The following RABGAP1L variants were observed in gnomAD, a reference collection of about 807,000 sequenced individuals.
RABGAP1L encodes RAB GTPase activating protein 1 like.
RABGAP1L carries 63 observed loss-of-function variants against 137.7 expected under a neutral mutation model. The ratio of observed to expected loss-of-function variants is 0.46; its 90% CI spans 0.37 to 0.56. RABGAP1L has a LOEUF of 0.56. RABGAP1L is among the 20% of genes least tolerant of loss of function. RABGAP1L has a pLI of 0.00. For missense variants in RABGAP1L, 1,095 were observed against 1,244.0 expected, an observed-to-expected ratio of 0.88 and a Z score of 1.80; for synonymous variants, 431 against 433.7, an observed-to-expected ratio of 0.99 and a Z score of 0.08.
At chr1:174,732,954 G>GACACTT (rs1682617082) in intron 17 of RABGAP1L, among the ~76,000 whole-genome samples, 2 of 151,868 alleles carry the variant, frequency 1.3e-5, no homozygotes, top group Admixed American at 6.6e-5. Flanking sequence ...CTGTGTGTCA[G>GACACTT]ACACTTTTCT....
At chr1:174,447,977 C>T in intron 13 of RABGAP1L, 3 of 577,064 alleles carry the variant, frequency 5.2e-6, no homozygotes, top group Admixed American at 3.0e-5. Context: ...CTCTGGGACT[C>T]TCAGCTGTGA....
intron 19 of RABGAP1L, chr1:174,897,079 A>G (rs909405019): frequency 6.6e-6 from 1 of 152,148 alleles, no homozygotes; most frequent in Non-Finnish European, 1.5e-5. Context: ...TGAGCATGGA[A>G]TGTTCTTCCA....
chr1:174,958,171 A>G (rs772223592), intron 20 of RABGAP1L: 351 of 1,433,574 alleles, frequency 2.4e-4, no homozygotes, highest in Non-Finnish European at 3.1e-4. Context: ...AAAAATCACA[A>G]AGGTATATTG....
At chr1:174,737,430 A>G (rs765920869) in intron 17 of RABGAP1L, among the ~76,000 whole-genome samples, 9 of 152,124 alleles carry the variant, frequency 5.9e-5, no homozygotes, top group African/African-American at 1.9e-4. Flanking sequence ...TTTTCATCTG[A>G]GACATCCTCA....
At chr1:174,408,742 T>C (rs184556633) in intron 13 of RABGAP1L, among the ~76,000 whole-genome samples, 1 of 152,116 alleles carries the variant, frequency 6.6e-6, no homozygotes, top group Non-Finnish European at 1.5e-5. Context: ...TTTTTTTGAC[T>C]TTTTAGTAAT....
At chr1:174,662,691 G>T (rs1214573021) in intron 14 of RABGAP1L, among the ~76,000 whole-genome samples, 1 of 152,180 alleles carries the variant, frequency 6.6e-6, no homozygotes, top group Non-Finnish European at 1.5e-5. Flanking sequence ...ACTGTGCCCG[G>T]CCAAGAAGGC....
intron 19 of RABGAP1L, among the ~76,000 whole-genome samples, chr1:174,903,066 AT>A (rs1010301751): frequency 2.9e-4 from 44 of 152,198 alleles, no homozygotes; most frequent in African/African-American, 9.2e-4. Context: ...AGCAGCTGTA[AT>A]TTTTTTTCCA....
intron 7 of RABGAP1L, among the ~76,000 whole-genome samples, chr1:174,256,801 A>G (rs1382494944): frequency 6.6e-6 from 1 of 152,052 alleles, no homozygotes; most frequent in African/African-American, 2.4e-5. Context: ...ACAAAACAAA[A>G]CAACCAACCA....
At chr1:174,957,965 G>A (rs954744874) in intron 20 of RABGAP1L, 8 of 1,570,238 alleles carry the variant, frequency 5.1e-6, no homozygotes, top group Non-Finnish European at 8.6e-7. Context: ...AGAAAGAGAG[G>A]GGAAAAAGAA....
At chr1:174,465,783 A>G (rs1223288498) in intron 13 of RABGAP1L, among the ~76,000 whole-genome samples, 1 of 152,206 alleles carries the variant, frequency 6.6e-6, no homozygotes, top group Non-Finnish European at 1.5e-5. Context: ...CTTCCACCAC[A>G]ACAACATGCA....
chr1:174,375,155 G>A (rs921970669), intron 12 of RABGAP1L, among the ~76,000 whole-genome samples: 12 of 151,760 alleles, frequency 7.9e-5, no homozygotes, highest in African/African-American at 2.9e-4. Context: ...TTTCTACATG[G>A]CAGTTAATAT....
At chr1:174,321,087 G>A (rs2148826454) in intron 11 of RABGAP1L, among the ~76,000 whole-genome samples, 2 of 152,250 alleles carry the variant, frequency 1.3e-5, no homozygotes, top group Middle Eastern at 3.4e-3. Flanking sequence ...CTCTAGGAAT[G>A]TCTGAATTAT....
intron 18 of RABGAP1L, among the ~76,000 whole-genome samples, chr1:174,806,593 G>A (rs1332319529): frequency 6.6e-6 from 1 of 152,202 alleles, no homozygotes; most frequent in Non-Finnish European, 1.5e-5. Flanking sequence ...GGATGACAGA[G>A]CAAGACCCTG....
At chr1:174,812,006 G>T in intron 19 of RABGAP1L, 46 bp downstream of exon 19, 1 of 1,494,308 alleles carries the variant, frequency 6.7e-7, no homozygotes, top group South Asian at 1.4e-5. Context: ...TATGAGTGCA[G>T]AATAATATGA....
Position 174,241,557 on chromosome 1 carries a change from A to C in RABGAP1L, c.617A>C (p.His206Pro). The change falls in exon 5 of 26, where the codon CAT (histidine) becomes CCT (proline). Residue 206 changes from histidine (H) to proline (P), a missense_variant. By Grantham distance (77) the His-to-Pro change is moderately conservative. Coordinates refer to ENST00000681986, the MANE Select transcript of RABGAP1L (RefSeq NM_001366446.1). Reference sequence around the variant, plus strand: ...AAGGTGTTATTCTGTGCACGTGGACATGACGGAACAACAGAGAGCAATTGC... The same window carrying C: ...AAGGTGTTATTCTGTGCACGTGGACCTGACGGAACAACAGAGAGCAATTGC... ...IYKVLFCARG[H>P]DGTTESNCFA... The C allele has an allele frequency of 6.2e-7, 1 of 1,613,330 alleles. No homozygotes were observed. The highest frequency in any genetic ancestry group is 1.1e-5 in the South Asian group (1 of 91,066).
intron 7 of RABGAP1L, among the ~76,000 whole-genome samples, chr1:174,258,318 T>C (rs1295363368): frequency 6.6e-6 from 1 of 152,240 alleles, no homozygotes; most frequent in African/African-American, 2.4e-5. Context: ...TGGGTCTCAC[T>C]CTGTCACCCA....
chr1:174,177,540 C>T (rs1395250371), intron 1 of RABGAP1L, among the ~76,000 whole-genome samples: 1 of 152,172 alleles, frequency 6.6e-6, no homozygotes, highest in East Asian at 1.9e-4. Context: ...GCGTTTTAGT[C>T]ATGAAGTCTT....
chr1:174,306,409 C>T (rs1030814537), intron 11 of RABGAP1L, among the ~76,000 whole-genome samples: 13 of 152,340 alleles, frequency 8.5e-5, no homozygotes, highest in African/African-American at 3.1e-4. Flanking sequence ...TATTTCTCCA[C>T]ATCCTCTCCA....
chr1:174,791,325 T>C (rs1687846211), intron 18 of RABGAP1L, among the ~76,000 whole-genome samples: 1 of 152,248 alleles, frequency 6.6e-6, no homozygotes, highest in African/African-American at 2.4e-5. Flanking sequence ...CAGTGACAGC[T>C]GTTAAACATA....
Sources: gnomAD v4.1 joint callset for allele counts (sites outside exome capture counted in the v4.1 genomes callset) on GRCh38, gnomAD v4.1.1 for gene constraint, MANE v1.5 for transcripts, NCBI Gene and HGNC (gene_info 2026-07-23, HGNC 2026-07-21) for gene names.